The following UBE2E2 variants were observed in gnomAD, a reference collection of about 807,000 sequenced individuals.
UBE2E2 encodes ubiquitin conjugating enzyme E2 E2.
A neutral mutation model predicts 24.7 loss-of-function variants in UBE2E2; 6 were observed. That is an observed-to-expected ratio of 0.24 (90% CI 0.13 to 0.48). The LOEUF (loss-of-function observed/expected upper bound fraction) is 0.48, where lower values mean the gene tolerates loss of function less well. Ranked by LOEUF, UBE2E2 falls within the 20% of genes least tolerant of loss-of-function variation. UBE2E2 has a pLI of 0.99. For missense variants in UBE2E2, 169 were observed against 245.0 expected, an observed-to-expected ratio of 0.69 and a Z score of 2.07; for synonymous variants, 104 against 83.6, an observed-to-expected ratio of 1.24 and a Z score of -1.33.
At chr3:23,231,947 G>C (rs187907860) in intron 3 of UBE2E2, among the ~76,000 whole-genome samples, 1 of 152,200 alleles carries the variant, frequency 6.6e-6, no homozygotes, top group Non-Finnish European at 1.5e-5. Context: ...ACCTGGATGA[G>C]TTCTTGTTCA....
chr3:23,296,288 C>A (rs1482095838), intron 3 of UBE2E2, among the ~76,000 whole-genome samples: 3 of 152,008 alleles, frequency 2.0e-5, no homozygotes, highest in Non-Finnish European at 4.4e-5. Flanking sequence ...TATTTCACTA[C>A]TTTAGTGTTT....
intron 3 of UBE2E2, among the ~76,000 whole-genome samples, chr3:23,313,386 C>CTTTTTTTTTTT (rs34208918): frequency 8.0e-5 from 9 of 111,866 alleles, no homozygotes; most frequent in Admixed American, 1.1e-4. Flanking sequence ...ATCATTGGGT[C>CTTTTTTTTTTT]TTTTTTTTTT....
intron 3 of UBE2E2, among the ~76,000 whole-genome samples, chr3:23,277,927 A>G (rs1387063737): frequency 6.6e-6 from 1 of 152,118 alleles, no homozygotes; most frequent in Non-Finnish European, 1.5e-5. Flanking sequence ...ACTTGCGTAA[A>G]TTATTTGCAC....
chr3:23,400,753 C>G (rs1003118926), intron 3 of UBE2E2, among the ~76,000 whole-genome samples: 1 of 152,074 alleles, frequency 6.6e-6, no homozygotes, highest in Non-Finnish European at 1.5e-5. Context: ...TTCAAATTCA[C>G]TTTTTAATAG....
intron 3 of UBE2E2, among the ~76,000 whole-genome samples, chr3:23,478,345 T>G (rs1699182930): frequency 6.6e-6 from 1 of 152,172 alleles, no homozygotes; most frequent in Admixed American, 6.5e-5. Context: ...AAACCAGGTT[T>G]TACAAAGTGG....
Position 23,556,000 on chromosome 3 carries a change from A to G in UBE2E2, c.508+23299A>G, listed in dbSNP as rs550683088. On this transcript the variant is annotated intron_variant, in intron 5 of 5. Coordinates refer to ENST00000396703, the MANE Select transcript of UBE2E2 (RefSeq NM_152653.4). ...GGATTTTTTTCTAAATGAGTAGATT[A>G]TAGCTGTCTTGCCATGGGGGTGGGG... 5.9e-5 allele frequency among the ~76,000 whole-genome samples: 9 copies of G among 152,168 alleles called. No individual in the cohort carries two copies. The East Asian group carries it at 1.5e-3, about 26-fold the overall frequency.
chr3:23,333,240 G>A (rs1695115925), intron 3 of UBE2E2, among the ~76,000 whole-genome samples: 1 of 152,126 alleles, frequency 6.6e-6, no homozygotes, highest in Non-Finnish European at 1.5e-5. Flanking sequence ...TGAAGAAAGG[G>A]TTCTTTTTCA....
intron 2 of UBE2E2, among the ~76,000 whole-genome samples, chr3:23,216,309 G>C (rs1696474291): frequency 2.0e-5 from 3 of 152,098 alleles, no homozygotes; most frequent in Admixed American, 6.6e-5. Flanking sequence ...TTGTTGTCTT[G>C]AAAAAGAAGT....
At position 23,348,619 on chromosome 3, in the gene UBE2E2, C is replaced by G. The variant is rs189520472; in HGVS notation, c.227+131307C>G. Among the ~76,000 whole-genome samples, 5 of 152,226 alleles carry G rather than the reference C, an allele frequency of 3.3e-5. No individual in the cohort carries two copies. The East Asian group carries it at 9.7e-4, about 29-fold the overall frequency. On this transcript the variant is annotated intron_variant, in intron 3 of 5. Coordinates refer to ENST00000396703, the MANE Select transcript of UBE2E2 (RefSeq NM_152653.4). Reference sequence around the variant, plus strand: ...TTCTAGACACCAAGGACTGGTCAGTCCATCCCATTTAGGTATGGGGGACTG... The same window carrying G: ...TTCTAGACACCAAGGACTGGTCAGTGCATCCCATTTAGGTATGGGGGACTG...
At chr3:23,345,128 G>C (rs1020669849) in intron 3 of UBE2E2, among the ~76,000 whole-genome samples, 2 of 152,130 alleles carry the variant, frequency 1.3e-5, no homozygotes, top group Non-Finnish European at 2.9e-5. Context: ...GAGATCAATT[G>C]TGATGACTTT....
intron 3 of UBE2E2, among the ~76,000 whole-genome samples, chr3:23,394,481 G>A (rs948973043): frequency 4.6e-5 from 7 of 152,108 alleles, no homozygotes; most frequent in Non-Finnish European, 7.4e-5. Context: ...TTTTGGTAAT[G>A]GTGGATGAGC....
intron 3 of UBE2E2, among the ~76,000 whole-genome samples, chr3:23,308,631 G>C (rs963844192): frequency 6.6e-6 from 1 of 152,142 alleles, no homozygotes; most frequent in Non-Finnish European, 1.5e-5. Flanking sequence ...AATTTGCTAT[G>C]TTTTGGATCG....
At chr3:23,249,234 C>T (rs944267675) in intron 3 of UBE2E2, among the ~76,000 whole-genome samples, 14 of 149,756 alleles carry the variant, frequency 9.3e-5, no homozygotes, top group Non-Finnish European at 1.5e-4. Flanking sequence ...ATTGCACCAC[C>T]ACACCCCAGC....
chr3:23,524,846 A>T (rs1209721954), intron 4 of UBE2E2, among the ~76,000 whole-genome samples: 2 of 147,276 alleles, frequency 1.4e-5, no homozygotes, highest in Non-Finnish European at 3.0e-5. Context: ...TGGGAGATAC[A>T]GATACACACA....
intron 3 of UBE2E2, among the ~76,000 whole-genome samples, chr3:23,294,600 A>T (rs1346160688): frequency 1.4e-5 from 2 of 147,344 alleles, no homozygotes; most frequent in Non-Finnish European, 3.0e-5. Flanking sequence ...TTTTTTTATT[A>T]GATTATTTTA....
At chr3:23,418,721 T>C (rs1221796861) in intron 3 of UBE2E2, among the ~76,000 whole-genome samples, 1 of 152,170 alleles carries the variant, frequency 6.6e-6, no homozygotes, top group Non-Finnish European at 1.5e-5. Flanking sequence ...ATGATAGATC[T>C]GTCATGATAA....
intron 3 of UBE2E2, among the ~76,000 whole-genome samples, chr3:23,356,647 A>G (rs899092450): frequency 4.6e-5 from 7 of 152,170 alleles, no homozygotes; most frequent in Non-Finnish European, 8.8e-5. Context: ...TGTCCTTTAC[A>G]CTGTAAAATT....
At chr3:23,475,200 C>T (rs191692867) in intron 3 of UBE2E2, among the ~76,000 whole-genome samples, 3 of 151,820 alleles carry the variant, frequency 2.0e-5, no homozygotes, top group Non-Finnish European at 2.9e-5. Flanking sequence ...CTCAGAACTC[C>T]CTCCTAACTC....
At chr3:23,443,600 G>A (rs185290819) in intron 3 of UBE2E2, among the ~76,000 whole-genome samples, 1 of 152,290 alleles carries the variant, frequency 6.6e-6, no homozygotes, top group East Asian at 1.9e-4. Flanking sequence ...ATCCAAAGCA[G>A]CGTCAACGCA....
Sources: allele counts gnomAD v4.1 joint callset (sites outside exome capture counted in the v4.1 genomes callset), GRCh38; gene constraint gnomAD v4.1.1; transcripts MANE v1.5; gene names NCBI Gene and HGNC (gene_info 2026-07-23, HGNC 2026-07-21).